GRM3: variants seen among roughly 807,000 people sequenced by gnomAD.
GRM3 encodes the protein metabotropic glutamate receptor 3.
A neutral mutation model predicts 70.5 loss-of-function variants in GRM3; 26 were observed. The ratio of observed to expected loss-of-function variants is 0.37; its 90% CI spans 0.27 to 0.51. The LOEUF is 0.51. GRM3 is among the 20% of genes least tolerant of loss of function. The pLI is 0.93. For missense variants in GRM3, 859 were observed against 1,123.8 expected, an observed-to-expected ratio of 0.76 and a Z score of 3.37; for synonymous variants, 443 against 434.9, an observed-to-expected ratio of 1.02 and a Z score of -0.23.
chr7:86,790,474 A>C (rs1260703502), intron 3 of GRM3, among the ~76,000 whole-genome samples: 2 of 152,076 alleles, frequency 1.3e-5, no homozygotes, highest in Non-Finnish European at 2.9e-5. Context: ...TAGCCTCCAC[A>C]ATCTATTCTC....
chr7:86,817,779 C>G (rs1562873542), intron 3 of GRM3, among the ~76,000 whole-genome samples: 1 of 152,000 alleles, frequency 6.6e-6, no homozygotes, highest in Admixed American at 6.6e-5. Flanking sequence ...GGTTTCAGCT[C>G]TGCCTTCATG....
chr7:86,659,287 T>C (rs1235855540), intron 1 of GRM3, among the ~76,000 whole-genome samples: 1 of 152,190 alleles, frequency 6.6e-6, no homozygotes, highest in Non-Finnish European at 1.5e-5. Context: ...TGAGAAGATA[T>C]TGTGAATAAC....
chr7:86,718,895 G>T (rs1323049591), intron 1 of GRM3, among the ~76,000 whole-genome samples: 1 of 151,896 alleles, frequency 6.6e-6, no homozygotes, highest in Non-Finnish European at 1.5e-5. Flanking sequence ...TTTTATAAAT[G>T]AGATTAAAAC....
intron 1 of GRM3, among the ~76,000 whole-genome samples, chr7:86,689,111 A>G (rs1013972251): frequency 6.6e-6 from 1 of 151,468 alleles, no homozygotes; most frequent in Admixed American, 6.6e-5. Context: ...GAACCAAGAC[A>G]TTAAATGATG....
chr7:86,671,165 G>A (rs1440869986), intron 1 of GRM3, among the ~76,000 whole-genome samples: 2 of 152,288 alleles, frequency 1.3e-5, no homozygotes, highest in Middle Eastern at 3.4e-3. Flanking sequence ...TGAGCAACTG[G>A]CACTACAGGT....
Position 86,767,280 on chromosome 7 carries a change from C to A in GRM3, c.468+1667C>A, listed in dbSNP as rs544258232. The stretch of plus-strand genomic sequence containing the variant: ...ATAAAATAAAATTCTAGGTATAATT[C>A]TTTGTGGTTCTCTATGAGCTATTTG... On this transcript the variant is annotated intron_variant, in intron 2 of 5. Coordinates refer to ENST00000361669, the MANE Select transcript of GRM3 (RefSeq NM_000840.3). Among the ~76,000 whole-genome samples the A allele has an allele frequency of 2.6e-5, 4 of 151,538 alleles. No homozygotes were observed. In the East Asian group the frequency reaches 7.8e-4, roughly 29 times the overall value.
At chr7:86,738,315 C>T (rs529176920) in intron 1 of GRM3, among the ~76,000 whole-genome samples, 1 of 152,180 alleles carries the variant, frequency 6.6e-6, no homozygotes, top group South Asian at 2.1e-4. Context: ...AGTATGGATG[C>T]TTTTGAACAA....
intron 1 of GRM3, among the ~76,000 whole-genome samples, chr7:86,702,462 T>C (rs1239446231): frequency 6.6e-6 from 1 of 151,972 alleles, no homozygotes; most frequent in East Asian, 1.9e-4. Context: ...AAACACAGGG[T>C]TATCACATTT....
intron 2 of GRM3, among the ~76,000 whole-genome samples, chr7:86,777,999 A>C (rs1562859280): frequency 6.6e-6 from 1 of 152,198 alleles, no homozygotes; most frequent in Non-Finnish European, 1.5e-5. Flanking sequence ...TCTTCCAGGC[A>C]CATATATAAG....
chr7:86,850,518 G>A lies in GRM3; in HGVS notation c.2540G>A (p.Ser847Asn). Reference sequence around the variant, plus strand: ...CTGCACCTCAACAGGTTCAGTGTCAGTGGAACTGGGACCACATACTCTCAG... The same window carrying A: ...CTGCACCTCAACAGGTTCAGTGTCAATGGAACTGGGACCACATACTCTCAG... ...HRLHLNRFSV[S>N]GTGTTYSQSS... is the part of the protein sequence containing the mutation. Residue 847 changes from serine (S) to asparagine (N), a missense_variant, in exon 5 of 6, where the codon AGT becomes AAT. Ser to Asn is a conservative substitution (Grantham distance 46). Coordinates refer to ENST00000361669, the MANE Select transcript of GRM3 (RefSeq NM_000840.3). The A allele has an allele frequency of 1.2e-6, 2 of 1,610,532 alleles. No homozygotes were observed. The highest frequency in any genetic ancestry group is 1.1e-5 in the South Asian group (1 of 90,990).
Position 86,839,790 on chromosome 7 carries a change from G to C in GRM3, c.2276G>C (p.Arg759Pro), listed in dbSNP as rs781677093. 6.2e-7 allele frequency: 1 copy of C among 1,613,740 alleles called. No homozygotes were observed. Among genetic ancestry groups the C allele is most frequent in the Non-Finnish European group, 8.5e-7 (1 of 1,179,822 alleles). ...TGCACTGTGTACGCCTTCAAAACGC[G>C]GAAGTGCCCAGAAAATTTCAACGAA... ...ILCTVYAFKTRKCPENFNEAK... is the reference protein window; with the variant it reads ...ILCTVYAFKTPKCPENFNEAK... The change falls in exon 4 of 6, where the codon CGG becomes CCG. Residue 759 changes from arginine to proline, a missense_variant. Coordinates refer to ENST00000361669, the MANE Select transcript of GRM3 (RefSeq NM_000840.3). The surrounding 1 kb of genome is among the most constrained non-coding windows in gnomAD (Gnocchi z 4.5).
At chr7:86,799,782 G>A (rs1797640307) in intron 3 of GRM3, among the ~76,000 whole-genome samples, 1 of 152,126 alleles carries the variant, frequency 6.6e-6, no homozygotes, top group Admixed American at 6.6e-5. Context: ...GCCTGCCTGG[G>A]CCTCCCAAAG....
chr7:86,809,078 A>G (rs1453719862), intron 3 of GRM3, among the ~76,000 whole-genome samples: 2 of 152,090 alleles, frequency 1.3e-5, no homozygotes, highest in African/African-American at 4.8e-5. Flanking sequence ...ATCAATGTTG[A>G]CATTCTAATA....
chr7:86,745,626 G>A (rs1796084489), intron 1 of GRM3, among the ~76,000 whole-genome samples: 1 of 152,060 alleles, frequency 6.6e-6, no homozygotes, highest in South Asian at 2.1e-4. Context: ...AGGAGAATAG[G>A]AAATTGGGCT....
chr7:86,675,671 T>C (rs1794288625), intron 1 of GRM3, among the ~76,000 whole-genome samples: 1 of 152,126 alleles, frequency 6.6e-6, no homozygotes, highest in African/African-American at 2.4e-5. Flanking sequence ...AGAATATTGA[T>C]CTGATTTATC....
chr7:86,688,220 G>GA (rs541652994), intron 1 of GRM3, among the ~76,000 whole-genome samples: 1 of 151,022 alleles, frequency 6.6e-6, no homozygotes, highest in Non-Finnish European at 1.5e-5. Flanking sequence ...TGTCAGACTT[G>GA]AAAAAAAATG....
chr7:86,817,507 T>C (rs1054821100), intron 3 of GRM3, among the ~76,000 whole-genome samples: 1 of 152,002 alleles, frequency 6.6e-6, no homozygotes, highest in African/African-American at 2.4e-5. Flanking sequence ...TTGTCCATTA[T>C]TTTTTAAATG....
At chr7:86,788,265 A>G (rs1797319637) in intron 3 of GRM3, among the ~76,000 whole-genome samples, 1 of 152,214 alleles carries the variant, frequency 6.6e-6, no homozygotes, top group Non-Finnish European at 1.5e-5. Context: ...TCAGAAGTCA[A>G]GTGGTCTATG....
intron 1 of GRM3, among the ~76,000 whole-genome samples, chr7:86,742,879 G>A (rs912246197): frequency 2.0e-5 from 3 of 152,120 alleles, no homozygotes; most frequent in Non-Finnish European, 4.4e-5. Flanking sequence ...GATAATGAAA[G>A]CGCTTCGAGG....
Sources: allele counts gnomAD v4.1 joint callset (sites outside exome capture counted in the v4.1 genomes callset), GRCh38; gene constraint gnomAD v4.1.1; non-coding constraint Gnocchi (gnomAD v3.1); transcripts MANE v1.5; gene names NCBI Gene and HGNC (gene_info 2026-07-23, HGNC 2026-07-21).